The following MAP4K4 variants were observed in gnomAD, a reference collection of about 807,000 sequenced individuals.
The protein encoded by MAP4K4 is HPK/GCK-like kinase HGK.
In MAP4K4, 38 loss-of-function variants were observed where a neutral mutation model predicts 189.6. That is an observed-to-expected ratio of 0.20 (90% CI 0.15 to 0.26). MAP4K4 has a LOEUF of 0.26. MAP4K4 is among the 10% of genes least tolerant of loss of function. MAP4K4 has a pLI of 1.00. For synonymous variants in MAP4K4, 610 were observed against 624.3 expected (o/e 0.98, Z 0.34); for missense variants, 1,054 against 1,726.9 (o/e 0.61, Z 6.91).
Position 101,888,946 on chromosome 2 carries a change from C to T in MAP4K4, c.4071+11C>T. The T allele has an allele frequency of 6.2e-7, 1 of 1,601,834 alleles. No homozygotes were observed. ...GAACGCAATGACAAGGTAATAGTTC[C>T]CTTATGGATTCTTTTTAGTTGCTCT... On this transcript the variant is annotated intron_variant, in intron 32 of 32. Transcript: ENST00000324219.
At chr2:101,887,822 T>C (rs1577481001) in exon 31 of MAP4K4, 1 of 1,613,312 alleles carries the variant, frequency 6.2e-7, no homozygotes, top group Non-Finnish European at 8.5e-7. Context: ...TCCTCCCCAA[T>C]ACAGATGGAA....
At chr2:101,791,020 G>A (rs943642908) in intron 3 of MAP4K4, among the ~76,000 whole-genome samples, 3 of 152,170 alleles carry the variant, frequency 2.0e-5, no homozygotes, top group East Asian at 3.8e-4. Flanking sequence ...TCTGAGTGAT[G>A]TCATCCTTGG....
chr2:101,759,732 TTC>T (rs2075304695), intron 2 of MAP4K4, among the ~76,000 whole-genome samples: 1 of 53,898 alleles, frequency 1.9e-5, no homozygotes, highest in Non-Finnish European at 3.5e-5. Context: ...TACCATCCCC[TTC>T]CCCCCTCCCC....
chr2:101,758,836 A>G (rs1249690616), intron 2 of MAP4K4, among the ~76,000 whole-genome samples: 1 of 152,162 alleles, frequency 6.6e-6, no homozygotes, highest in Non-Finnish European at 1.5e-5. Flanking sequence ...GTTCGCCACT[A>G]TAAAGAAGGG....
chr2:101,892,860 C>G (rs1007620222), exon 33 of MAP4K4: 1 of 456,078 alleles, frequency 2.2e-6, no homozygotes, highest in South Asian at 1.5e-5. Context: ...ATTACCGTCT[C>G]AGGAAAGGAT....
intron 2 of MAP4K4, among the ~76,000 whole-genome samples, chr2:101,762,886 C>T (rs762261751): frequency 6.6e-6 from 1 of 152,142 alleles, no homozygotes; most frequent in Non-Finnish European, 1.5e-5. Flanking sequence ...TAGTTTCCAG[C>T]AGCTGTTTTG....
In MAP4K4 at chr2:101,807,476, G is replaced by A. The variant is rs539530421; in HGVS notation, c.181-16452G>A. On this transcript the variant is annotated intron_variant, in intron 3 of 32. Transcript: ENST00000324219. ...GACATCATAGTTCATAGGGTGGGGT[G>A]GGGGATGTTAGGGTAAGTGCCATTT... is the stretch of plus-strand genomic sequence containing the variant. 2.7e-3 allele frequency among the ~76,000 whole-genome samples: 404 copies of A among 152,248 alleles called. 1 individual carries two copies. The highest frequency in any genetic ancestry group is 9.2e-3 in the African/African-American group (384 of 41,540).
chr2:101,796,381 T>C (rs1341684563), intron 3 of MAP4K4, among the ~76,000 whole-genome samples: 1 of 152,188 alleles, frequency 6.6e-6, no homozygotes, highest in African/African-American at 2.4e-5. Context: ...CCTGCTTTAA[T>C]GGAGCCTTGG....
In MAP4K4 at chr2:101,859,055, G is replaced by C. The variant is rs1241842237; in HGVS notation, c.1455G>C (p.Gln485His). The change falls in exon 14 of 33, where the codon CAG (glutamine) becomes CAC (histidine). Residue 485 changes from glutamine to histidine, a missense_variant. Around this residue, in one of 4 missense-constraint regions of MAP4K4, gnomAD observed 646 missense variants for 796.2 expected, o/e 0.81. Coordinates refer to ENST00000324219, the Ensembl canonical transcript of MAP4K4. The stretch of plus-strand genomic sequence containing the variant: ...GGCACTTGGAAGTCCTTCAGCAGCA[G>C]CTGCTCCAGGAGCAGGCCATGTTAC... The C allele has an allele frequency of 3.7e-6, 6 of 1,612,296 alleles. No homozygotes were observed. The African/African-American group carries it at 8.0e-5, about 22-fold the overall frequency.
chr2:101,861,636 G>A (rs2097659000), intron 16 of MAP4K4: 1 of 152,324 alleles, frequency 6.6e-6, no homozygotes, highest in African/African-American at 2.4e-5. Context: ...GGCTAGGTGA[G>A]GGGAACTGTT....
intron 3 of MAP4K4, among the ~76,000 whole-genome samples, chr2:101,797,557 T>G (rs2093845251): frequency 6.6e-6 from 1 of 152,180 alleles, no homozygotes; most frequent in Middle Eastern, 3.2e-3. Flanking sequence ...TTAGACAACT[T>G]TTAACCTGAT....
chr2:101,712,795 C>T (rs929776913), intron 2 of MAP4K4, among the ~76,000 whole-genome samples: 12 of 151,806 alleles, frequency 7.9e-5, no homozygotes, highest in African/African-American at 2.7e-4. Context: ...TGCGCCAGGC[C>T]GAGAAATTTG....
intron 18 of MAP4K4, 31 bp downstream of exon 18, chr2:101,865,067 C>T (rs1258787539): frequency 7.5e-7 from 1 of 1,337,470 alleles, no homozygotes; most frequent in Non-Finnish European, 1.0e-6. Context: ...GAGAACAGGC[C>T]TTCTGTGCAG....
chr2:101,797,289 C>T (rs1022761588), intron 3 of MAP4K4: 2 of 1,290,842 alleles, frequency 1.5e-6, no homozygotes, highest in Non-Finnish European at 1.0e-6. Context: ...CAGCTTCGTA[C>T]TGGCTTCTTC....
At chr2:101,796,849 T>C (rs774699195) in intron 3 of MAP4K4, among the ~76,000 whole-genome samples, 12 of 152,182 alleles carry the variant, frequency 7.9e-5, no homozygotes, top group Non-Finnish European at 1.6e-4. Context: ...TCCATGGATA[T>C]GTGGAAGTAA....
chr2:101,812,421 C>T (rs952714833), intron 3 of MAP4K4, among the ~76,000 whole-genome samples: 1 of 152,192 alleles, frequency 6.6e-6, no homozygotes, highest in Non-Finnish European at 1.5e-5. Flanking sequence ...TTTCGTTCAG[C>T]CACTCCTGCA....
At chr2:101,718,564 T>TGGG (rs2049820221) in intron 2 of MAP4K4, among the ~76,000 whole-genome samples, 1 of 35,486 alleles carries the variant, frequency 2.8e-5, no homozygotes, top group Non-Finnish European at 5.5e-5. Flanking sequence ...AGTGGGAAGG[T>TGGG]GGGGGTGGGG....
At chr2:101,770,611 T>C (rs1029640612) in intron 2 of MAP4K4, among the ~76,000 whole-genome samples, 1 of 152,300 alleles carries the variant, frequency 6.6e-6, no homozygotes, top group Non-Finnish European at 1.5e-5. Context: ...AATAAAAATA[T>C]TACAGTATGA....
At chr2:101,769,877 C>T (rs368360113) in intron 2 of MAP4K4, among the ~76,000 whole-genome samples, 17 of 152,026 alleles carry the variant, frequency 1.1e-4, no homozygotes, top group East Asian at 3.9e-4. Context: ...CCACTGTGCC[C>T]GGCCCAGAAA....
Sources: gnomAD v4.1 joint callset for allele counts (sites outside exome capture counted in the v4.1 genomes callset) on GRCh38, gnomAD v4.1.1 for gene constraint, gnomAD v4.1.1 regional missense constraint, MANE v1.5 for transcripts, NCBI Gene and HGNC (gene_info 2026-07-23, HGNC 2026-07-21) for gene names.